The following ROBO2 variants were observed in gnomAD, a reference collection of about 807,000 sequenced individuals.
The protein encoded by ROBO2 is roundabout guidance receptor 2.
Under a neutral mutation model 160.8 loss-of-function variants are expected in ROBO2, and 53 were observed. The ratio of observed to expected loss-of-function variants is 0.33; its 90% confidence interval spans 0.26 to 0.41. The LOEUF (loss-of-function observed/expected upper bound fraction) is 0.41, where lower values mean the gene tolerates loss of function less well. ROBO2 is among the 10% of genes least tolerant of loss of function. The probability of loss-of-function intolerance (pLI) is 1.00; values close to 1 mark genes in which losing one functional copy is unlikely to be tolerated. For missense variants in ROBO2, 1,577 were observed against 1,722.4 expected, an observed-to-expected ratio of 0.92 and a Z score of 1.49; for synonymous variants, 664 against 611.7, an observed-to-expected ratio of 1.09 and a Z score of -1.26.
At chr3:76,260,406 A>G (rs1706669420) in intron 2 of ROBO2, among the ~76,000 whole-genome samples, 1 of 152,162 alleles carries the variant, frequency 6.6e-6, no homozygotes, top group African/African-American at 2.4e-5. Flanking sequence ...ATGATCGGTG[A>G]TATTACCAAC....
chr3:77,303,496 G>T (rs936932058), intron 2 of ROBO2, among the ~76,000 whole-genome samples: 2 of 152,076 alleles, frequency 1.3e-5, no homozygotes, highest in African/African-American at 2.4e-5. Flanking sequence ...TTATTCAAAT[G>T]ACTAATATTA....
chr3:76,998,534 A>G (rs1219413002), intron 2 of ROBO2, among the ~76,000 whole-genome samples: 2 of 152,198 alleles, frequency 1.3e-5, no homozygotes, highest in East Asian at 1.9e-4. Context: ...TAATACTCAT[A>G]ATAGTAAGAC....
chr3:76,691,778 C>A, intron 2 of ROBO2, among the ~76,000 whole-genome samples: 1 of 151,930 alleles, frequency 6.6e-6, no homozygotes, highest in East Asian at 1.9e-4. Context: ...AGTCTTATAC[C>A]AAAGCGATGA....
intron 2 of ROBO2, among the ~76,000 whole-genome samples, chr3:76,079,482 GTTT>G (rs35755828): frequency 1.5e-5 from 2 of 137,234 alleles, no homozygotes; most frequent in Admixed American, 7.4e-5. Flanking sequence ...ATTATTATTA[GTTT>G]TTTTTTTTTT....
At chr3:77,198,506 T>C (rs1389166205) in intron 2 of ROBO2, among the ~76,000 whole-genome samples, 1 of 152,204 alleles carries the variant, frequency 6.6e-6, no homozygotes, top group Admixed American at 6.5e-5. Flanking sequence ...TAGAAGGTCA[T>C]TGTGGCAATG....
chr3:76,007,613 A>C (rs2066060602), intron 2 of ROBO2, among the ~76,000 whole-genome samples: 1 of 152,204 alleles, frequency 6.6e-6, no homozygotes. Flanking sequence ...CCACTTGTAA[A>C]CATACCTCTG....
chr3:76,545,078 A>G (rs1247996237), intron 2 of ROBO2, among the ~76,000 whole-genome samples: 1 of 151,948 alleles, frequency 6.6e-6, no homozygotes, highest in African/African-American at 2.4e-5. Context: ...TATTATGTCA[A>G]ATCATAACAT....
intron 2 of ROBO2, among the ~76,000 whole-genome samples, chr3:76,303,676 G>T (rs2071183388): frequency 1.3e-5 from 2 of 152,152 alleles, no homozygotes; most frequent in African/African-American, 2.4e-5. Context: ...ATATTATGAA[G>T]TAAAACACAA....
chr3:76,410,066 G>A (rs181382496), intron 2 of ROBO2, among the ~76,000 whole-genome samples: 19 of 152,192 alleles, frequency 1.2e-4, no homozygotes, highest in Non-Finnish European at 2.1e-4. Flanking sequence ...TTTTGTCATT[G>A]TTTAGACAAA....
chr3:76,468,569 A>G (rs996144150), intron 2 of ROBO2, among the ~76,000 whole-genome samples: 3 of 152,056 alleles, frequency 2.0e-5, no homozygotes, highest in African/African-American at 4.8e-5. Context: ...TTGCCTTTAT[A>G]TAATGTGGCC....
rs74830631 is a variant in ROBO2 at position 76,559,480 on chromosome 3, A to T, written c.110-538534A>T. Among the ~76,000 whole-genome samples the T allele has an allele frequency of 3.9e-3, 592 of 152,252 alleles. 7 individuals carry two copies. Among genetic ancestry groups the T allele is most frequent in the African/African-American group, 0.014 (570 of 41,564 alleles). ...GTTTTAACCAATCAACCAATTGGTTAAAAAAACTGATACGGTTGGTTTTTC... is the reference window on the plus strand; with the variant it reads ...GTTTTAACCAATCAACCAATTGGTTTAAAAAACTGATACGGTTGGTTTTTC... On this transcript the variant is annotated intron_variant, in intron 2 of 26. Transcript: ENST00000487694.
chr3:77,297,856 A>T (rs2062287348), intron 2 of ROBO2, among the ~76,000 whole-genome samples: 1 of 152,166 alleles, frequency 6.6e-6, no homozygotes, highest in Non-Finnish European at 1.5e-5. Context: ...ATGTGTAGAA[A>T]GGAGGAAACA....
chr3:76,412,247 G>T (rs2075526644), intron 2 of ROBO2, among the ~76,000 whole-genome samples: 3 of 152,080 alleles, frequency 2.0e-5, no homozygotes, highest in African/African-American at 7.2e-5. Flanking sequence ...CTCCCCCTGG[G>T]TTACTCCCAC....
intron 2 of ROBO2, among the ~76,000 whole-genome samples, chr3:75,978,909 T>C (rs1202550350): frequency 6.6e-6 from 1 of 151,482 alleles, no homozygotes; most frequent in African/African-American, 2.4e-5. Context: ...GCTTGTGCAT[T>C]TTTGCTTTCT....
intron 2 of ROBO2, among the ~76,000 whole-genome samples, chr3:76,481,301 G>A (rs566292225): frequency 2.0e-5 from 3 of 152,154 alleles, no homozygotes; most frequent in East Asian, 3.9e-4. Context: ...AATTGCGGGA[G>A]GGAAAAAGAA....
intron 2 of ROBO2, among the ~76,000 whole-genome samples, chr3:77,434,911 G>T (rs975626548): frequency 3.3e-5 from 5 of 151,974 alleles, no homozygotes; most frequent in African/African-American, 1.2e-4. Flanking sequence ...GCCAGATAAT[G>T]AGTACTTGAT....
In ROBO2 at chr3:76,656,798, G is replaced by A. The variant is rs148365350; in HGVS notation, c.110-441216G>A. ...TTAGAAAATCAGTAAAGTCTGTAGT[G>A]GAAAGGATTATCACCTAAACCCCTT... On this transcript the variant is annotated intron_variant, in intron 2 of 26. Coordinates refer to the ROBO2 transcript ENST00000487694. 1.4e-3 allele frequency among the ~76,000 whole-genome samples: 213 copies of A among 151,482 alleles called. 1 individual carries two copies. The highest frequency in any genetic ancestry group is 4.7e-3 in the African/African-American group (193 of 41,314).
intron 2 of ROBO2, among the ~76,000 whole-genome samples, chr3:76,420,124 C>A (rs949842436): frequency 6.6e-6 from 1 of 152,156 alleles, no homozygotes; most frequent in African/African-American, 2.4e-5. Flanking sequence ...TGATTCTATA[C>A]TGTATCACCC....
intron 2 of ROBO2, among the ~76,000 whole-genome samples, chr3:76,855,396 C>G (rs1402394094): frequency 1.3e-5 from 2 of 152,182 alleles, no homozygotes; most frequent in Non-Finnish European, 2.9e-5. Context: ...TGTTTGATGT[C>G]TGTCCTCCAT....
Sources: gnomAD v4.1 joint callset for allele counts (sites outside exome capture counted in the v4.1 genomes callset) on GRCh38, gnomAD v4.1.1 for gene constraint, MANE v1.5 for transcripts, NCBI Gene and HGNC (gene_info 2026-07-23, HGNC 2026-07-21) for gene names.